The following ST6GALNAC3 variants were observed in gnomAD, a reference collection of about 807,000 sequenced individuals.
ST6GALNAC3 encodes the protein alpha-N-acetylgalactosaminide alpha-2,6-sialyltransferase 3.
ST6GALNAC3 carries 25 observed loss-of-function variants against 32.7 expected under a neutral mutation model. That is an observed-to-expected ratio of 0.76 (90% CI 0.56 to 1.07). ST6GALNAC3 has a LOEUF of 1.07. Among genes scored for constraint, ST6GALNAC3 ranks in the 50% least tolerant of loss-of-function variants. ST6GALNAC3 has a pLI of 0.00. For missense variants in ST6GALNAC3, 355 were observed against 382.4 expected (o/e 0.93, Z 0.60); for synonymous variants, 129 against 133.1 (o/e 0.97, Z 0.21).
At chr1:76,283,416 C>G (rs1434006769) in intron 1 of ST6GALNAC3, among the ~76,000 whole-genome samples, 2 of 152,078 alleles carry the variant, frequency 1.3e-5, no homozygotes, top group Non-Finnish European at 2.9e-5. Context: ...GCGCTGTGGT[C>G]TAGAGCTCAC....
chr1:76,317,703 G>C (rs1358924641), intron 2 of ST6GALNAC3, among the ~76,000 whole-genome samples: 2 of 152,108 alleles, frequency 1.3e-5, no homozygotes, highest in East Asian at 3.9e-4. Flanking sequence ...CACCATGGCT[G>C]TTAATGATGG....
chr1:76,522,917 G>A (rs565539777), intron 3 of ST6GALNAC3, among the ~76,000 whole-genome samples: 47 of 152,214 alleles, frequency 3.1e-4, no homozygotes, highest in Middle Eastern at 3.4e-3. Flanking sequence ...TCAGCTTCTC[G>A]GAATCGTTAG....
chr1:76,447,772 C>T (rs964034934), intron 3 of ST6GALNAC3, among the ~76,000 whole-genome samples: 2 of 152,120 alleles, frequency 1.3e-5, no homozygotes, highest in Admixed American at 6.5e-5. Flanking sequence ...GTTGAGCCTG[C>T]GGGTGCACGG....
intron 1 of ST6GALNAC3, among the ~76,000 whole-genome samples, chr1:76,112,554 G>A (rs914097745): frequency 6.6e-6 from 1 of 151,886 alleles, no homozygotes; most frequent in African/African-American, 2.4e-5. Flanking sequence ...GGTGGCTGCC[G>A]GGCGGAGACG....
At chr1:76,582,891 T>C (rs1009773540) in intron 3 of ST6GALNAC3, among the ~76,000 whole-genome samples, 3 of 152,166 alleles carry the variant, frequency 2.0e-5, no homozygotes, top group African/African-American at 7.2e-5. Context: ...AAGCAGACAA[T>C]ACTTTATTTC....
At chr1:76,571,625 A>C (rs1665864597) in intron 3 of ST6GALNAC3, among the ~76,000 whole-genome samples, 1 of 152,132 alleles carries the variant, frequency 6.6e-6, no homozygotes, top group Admixed American at 6.6e-5. Flanking sequence ...TGGATCAAAT[A>C]ATTGAAGAAT....
Position 76,630,685 on chromosome 1 carries a change from C to T in ST6GALNAC3, c.*1879C>T, listed in dbSNP as rs763370473. 246 of 985,506 alleles carry T rather than the reference C, an allele frequency of 2.5e-4. 2 individuals are homozygous for T. The highest frequency in any genetic ancestry group is 1.5e-3 in the Middle Eastern group (3 of 1,936). 61.0% of individuals were successfully genotyped at this position (985,506 alleles called of 1,614,324 possible). On this transcript the variant is annotated 3_prime_UTR_variant, in exon 5 of 5. Coordinates refer to ENST00000328299, the MANE Select transcript of ST6GALNAC3 (RefSeq NM_152996.4). ...ATCTTGGATAAAGGCCTTTTGCCTA[C>T]TCTCTTCTGCAATTTTGACACCTCA...
chr1:76,337,323 G>T (rs187738684), intron 2 of ST6GALNAC3, among the ~76,000 whole-genome samples: 50 of 152,304 alleles, frequency 3.3e-4, no homozygotes, highest in Middle Eastern at 3.4e-3. Flanking sequence ...AGGCAAGAGG[G>T]GTGCCAGATG....
chr1:76,317,720 T>A (rs1201412715), intron 2 of ST6GALNAC3, among the ~76,000 whole-genome samples: 1 of 152,170 alleles, frequency 6.6e-6, no homozygotes, highest in African/African-American at 2.4e-5. Flanking sequence ...ATGGGTTTAC[T>A]GCCTGATGCT....
At chr1:76,167,508 A>C (rs1385021229) in intron 1 of ST6GALNAC3, among the ~76,000 whole-genome samples, 1 of 152,202 alleles carries the variant, frequency 6.6e-6, no homozygotes, top group African/African-American at 2.4e-5. Context: ...GCCTCATAGA[A>C]TGAGTAAGGG....
intron 1 of ST6GALNAC3, among the ~76,000 whole-genome samples, chr1:76,303,041 A>ACCAGTC (rs1660819543): frequency 9.9e-6 from 1 of 100,604 alleles, no homozygotes; most frequent in Non-Finnish European, 2.4e-5. Flanking sequence ...GTGGTCTGCA[A>ACCAGTC]CCAGTCCGAT....
intron 3 of ST6GALNAC3, among the ~76,000 whole-genome samples, chr1:76,496,666 A>G (rs1660866212): frequency 6.6e-6 from 1 of 152,140 alleles, no homozygotes; most frequent in African/African-American, 2.4e-5. Context: ...ACCCATCTCA[A>G]AAAGGTTTGC....
At chr1:76,379,348 G>T (rs1293624899) in intron 2 of ST6GALNAC3, among the ~76,000 whole-genome samples, 2 of 151,904 alleles carry the variant, frequency 1.3e-5, no homozygotes, top group Non-Finnish European at 2.9e-5. Context: ...TTCACTCTCG[G>T]CAAACTCGCC....
intron 3 of ST6GALNAC3, among the ~76,000 whole-genome samples, chr1:76,597,838 A>T (rs1647162220): frequency 6.6e-6 from 1 of 152,078 alleles, no homozygotes; most frequent in Admixed American, 6.6e-5. Flanking sequence ...TCCTAATGTG[A>T]TGCTTTCATC....
At chr1:76,528,963 A>T (rs114136192) in intron 3 of ST6GALNAC3, among the ~76,000 whole-genome samples, 1 of 151,316 alleles carries the variant, frequency 6.6e-6, no homozygotes, top group Non-Finnish European at 1.5e-5. Context: ...GACTTGGAAT[A>T]TAAGTATGCC....
At chr1:76,117,378 T>A (rs1648549840) in intron 1 of ST6GALNAC3, among the ~76,000 whole-genome samples, 1 of 152,228 alleles carries the variant, frequency 6.6e-6, no homozygotes, top group Non-Finnish European at 1.5e-5. Flanking sequence ...ACAAGATAAC[T>A]TACGGACTTG....
intron 1 of ST6GALNAC3, among the ~76,000 whole-genome samples, chr1:76,276,026 G>C (rs903725201): frequency 6.6e-6 from 1 of 151,970 alleles, no homozygotes; most frequent in Non-Finnish European, 1.5e-5. Flanking sequence ...TTTTATATTT[G>C]CAACCCACAT....
At chr1:76,399,920 C>A (rs1327004126) in intron 2 of ST6GALNAC3, among the ~76,000 whole-genome samples, 3 of 152,000 alleles carry the variant, frequency 2.0e-5, no homozygotes, top group Non-Finnish European at 4.4e-5. Flanking sequence ...ATCTAGCAAT[C>A]CTAACTCTAA....
chr1:76,470,209 C>T (rs1658925106), intron 3 of ST6GALNAC3, among the ~76,000 whole-genome samples: 3 of 151,932 alleles, frequency 2.0e-5, no homozygotes, highest in Admixed American at 2.0e-4. Context: ...ACAGAATAAT[C>T]AAAGGATTTA....
Sources: gnomAD v4.1 joint callset for allele counts (sites outside exome capture counted in the v4.1 genomes callset) on GRCh38, gnomAD v4.1.1 for gene constraint, MANE v1.5 for transcripts, NCBI Gene and HGNC (gene_info 2026-07-23, HGNC 2026-07-21) for gene names.